The following SETBP1 variants were observed in gnomAD, a reference collection of about 807,000 sequenced individuals.
The protein encoded by SETBP1 is SET-binding protein.
A neutral mutation model predicts 101.0 loss-of-function variants in SETBP1; 9 were observed. The observed-to-expected ratio is 0.09, with a 90% CI of 0.05 to 0.16. The LOEUF (loss-of-function observed/expected upper bound fraction) is 0.16. SETBP1 is among the 10% of genes least tolerant of loss of function. The pLI is 1.00. For synonymous variants in SETBP1, 818 were observed against 788.5 expected, an observed-to-expected ratio of 1.04 and a Z score of -0.63; for missense variants, 1,858 against 2,033.8, an observed-to-expected ratio of 0.91 and a Z score of 1.66.
chr18:44,830,807 G>C (rs928121156), intron 2 of SETBP1, among the ~76,000 whole-genome samples: 3 of 152,168 alleles, frequency 2.0e-5, no homozygotes, highest in Admixed American at 2.0e-4. Context: ...ATTTGGGGGA[G>C]GGGAGGGGTA....
At chr18:44,985,701 A>G (rs559037946) in intron 4 of SETBP1, among the ~76,000 whole-genome samples, 2 of 152,320 alleles carry the variant, frequency 1.3e-5, no homozygotes, top group South Asian at 2.1e-4. Flanking sequence ...GTAATCCACC[A>G]TTTAGTATCT....
Position 44,952,281 on chromosome 18 carries a change from C to T in SETBP1, c.2941C>T (p.Pro981Ser). The T allele has an allele frequency of 1.2e-6, 2 of 1,614,170 alleles. No homozygotes were observed. Among genetic ancestry groups the T allele is most frequent in the Non-Finnish European group, 1.7e-6 (2 of 1,180,030 alleles). Residue 981 changes from proline (P) to serine (S), a missense_variant, in exon 4 of 6, where the codon CCA (proline) becomes TCA (serine). Transcript: ENST00000649279. ...GAGTTACACCTTCTACCACGAGAAT[C>T]CATATCCCAGCATTTTTCGGATTAA... is the stretch of plus-strand genomic sequence containing the variant. ...HRSYTFYHEN[P>S]YPSIFRINFD...
At chr18:44,932,512 T>A (rs1315057272) in intron 3 of SETBP1, among the ~76,000 whole-genome samples, 3 of 152,244 alleles carry the variant, frequency 2.0e-5, no homozygotes, top group Non-Finnish European at 4.4e-5. Context: ...GAAGTTCTTC[T>A]GGATAATACC....
At chr18:44,868,592 G>A (rs1379420050) in intron 2 of SETBP1, among the ~76,000 whole-genome samples, 1 of 151,992 alleles carries the variant, frequency 6.6e-6, no homozygotes, top group Non-Finnish European at 1.5e-5. Context: ...CTACTTGGGA[G>A]GCTGAGGCAG....
At chr18:44,754,017 A>G (rs2070442095) in intron 2 of SETBP1, among the ~76,000 whole-genome samples, 1 of 152,168 alleles carries the variant, frequency 6.6e-6, no homozygotes, top group South Asian at 2.1e-4. Context: ...TTGCACTGTA[A>G]TACTCTCTCC....
At chr18:44,722,519 T>C (rs2069622195) in intron 2 of SETBP1, among the ~76,000 whole-genome samples, 1 of 152,194 alleles carries the variant, frequency 6.6e-6, no homozygotes, top group Non-Finnish European at 1.5e-5. Context: ...TGTTGTTTTG[T>C]CTCAATTAAT....
At chr18:44,954,329 TAAAAAAAAA>T (rs5824565) in intron 4 of SETBP1, among the ~76,000 whole-genome samples, 2 of 71,588 alleles carry the variant, frequency 2.8e-5, no homozygotes, top group South Asian at 5.9e-4. Context: ...TTGCAGAAGC[TAAAAAAAAA>T]AAAAAAAAAA....
At chr18:44,822,211 T>C (rs1217974490) in intron 2 of SETBP1, among the ~76,000 whole-genome samples, 2 of 152,220 alleles carry the variant, frequency 1.3e-5, no homozygotes, top group African/African-American at 4.8e-5. Flanking sequence ...TGTAGCTCTT[T>C]AGTTTGACCA....
At position 44,953,051 on chromosome 18, in the gene SETBP1, C is replaced by T. The variant is rs139317870; in HGVS notation, c.3711C>T (p.Ser1237=). Residue 1237 remains serine (S), a synonymous_variant, in exon 4 of 6, where the codon TCC becomes TCT. Transcript: ENST00000649279. ...ACACCCTGTCTACACTGTCACTTTC[C>T]GACGCCCAGCATTGGACACAGGCCA... ...EVDTLSTLSL[S]DAQHWTQAKE... The T allele has an allele frequency of 1.8e-5, 29 of 1,614,050 alleles. No homozygotes were observed. The highest frequency in any genetic ancestry group is 1.3e-4 in the African/African-American group (10 of 74,906).
intron 4 of SETBP1, among the ~76,000 whole-genome samples, chr18:44,968,303 G>C (rs1425276579): frequency 6.6e-6 from 1 of 152,138 alleles, no homozygotes; most frequent in East Asian, 1.9e-4. Flanking sequence ...AAAGATAAAA[G>C]ATAGGGCTCC....
intron 4 of SETBP1, among the ~76,000 whole-genome samples, chr18:45,012,883 C>T (rs928174992): frequency 7.9e-5 from 12 of 151,950 alleles, no homozygotes; most frequent in African/African-American, 2.2e-4. Context: ...GGGAGAGGGA[C>T]GAGGGATGAA....
chr18:44,977,478 T>G (rs527761583), intron 4 of SETBP1, among the ~76,000 whole-genome samples: 39 of 152,352 alleles, frequency 2.6e-4, no homozygotes, highest in African/African-American at 7.9e-4. Flanking sequence ...AAATGCTTTT[T>G]GATGGATGAA....
At chr18:44,717,572 A>T (rs1382695800) in intron 2 of SETBP1, among the ~76,000 whole-genome samples, 2 of 152,204 alleles carry the variant, frequency 1.3e-5, no homozygotes, top group Admixed American at 1.3e-4. Context: ...GGCCATTGCA[A>T]GGGATTGGCC....
At chr18:44,760,875 T>A (rs187558146) in intron 2 of SETBP1, among the ~76,000 whole-genome samples, 6 of 152,194 alleles carry the variant, frequency 3.9e-5, no homozygotes, top group African/African-American at 1.4e-4. Context: ...AAGGAAGGAA[T>A]CTTAAATAAG....
At chr18:44,974,465 G>A (rs757083099) in intron 4 of SETBP1, among the ~76,000 whole-genome samples, 6 of 152,154 alleles carry the variant, frequency 3.9e-5, no homozygotes, top group Non-Finnish European at 5.9e-5. Flanking sequence ...GAGTTGGAGG[G>A]AGGAGTCTAG....
chr18:44,814,732 C>T (rs1421813735), intron 2 of SETBP1, among the ~76,000 whole-genome samples: 4 of 152,318 alleles, frequency 2.6e-5, no homozygotes, highest in East Asian at 1.9e-4. Context: ...CCTCTGATGT[C>T]GGGCAGTGCA....
At chr18:44,786,802 A>G (rs1050562922) in intron 2 of SETBP1, among the ~76,000 whole-genome samples, 3 of 152,112 alleles carry the variant, frequency 2.0e-5, no homozygotes, top group Non-Finnish European at 4.4e-5. Context: ...GCCACACGGG[A>G]CCTAAGGAGG....
intron 3 of SETBP1, among the ~76,000 whole-genome samples, chr18:44,897,854 C>T (rs1173681382): frequency 6.6e-6 from 1 of 152,074 alleles, no homozygotes; most frequent in African/African-American, 2.4e-5. Context: ...GAAATACAGA[C>T]CTGTGGTGTG....
chr18:44,890,619 A>T (rs1192059428), intron 3 of SETBP1, among the ~76,000 whole-genome samples: 1 of 152,146 alleles, frequency 6.6e-6, no homozygotes, highest in Admixed American at 6.6e-5. Context: ...AAATAGCCTC[A>T]GCCTACACCT....
Sources: gnomAD v4.1 joint callset for allele counts (sites outside exome capture counted in the v4.1 genomes callset) on GRCh38, gnomAD v4.1.1 for gene constraint, MANE v1.5 for transcripts, NCBI Gene and HGNC (gene_info 2026-07-23, HGNC 2026-07-21) for gene names.